Variants in SDHAF1 observed in about 807,000 individuals in gnomAD.
SDHAF1 encodes succinate dehydrogenase complex assembly factor 1.
For synonymous variants in SDHAF1, 81 were observed against 85.8 expected (o/e 0.94, Z 0.31); for missense variants, 198 against 179.0 (o/e 1.11, Z -0.61).
In SDHAF1 at chr19:35,995,817, C is replaced by A. The variant is rs1048156103; in HGVS notation, c.*195C>A. The A allele has an allele frequency of 8.5e-6, 5 of 588,210 alleles. No homozygotes were observed. The highest frequency in any genetic ancestry group is 1.5e-5 in the Non-Finnish European group (5 of 327,740). 36.4% of individuals were successfully genotyped at this position (588,210 alleles called of 1,614,324 possible). A position where few individuals can be genotyped will look rare whatever the true frequency, so the allele number is the denominator to read the frequency against. On this transcript the variant is annotated 3_prime_UTR_variant, in exon 1 of 1. Coordinates refer to ENST00000378887, the MANE Select transcript of SDHAF1 (RefSeq NM_001042631.3). ...GTGATGGACGGCAAGGGAGGCCCGCCTTTTCCGATGCTTGGAGACAGGTCG... is the reference window on the plus strand; with the variant it reads ...GTGATGGACGGCAAGGGAGGCCCGCATTTTCCGATGCTTGGAGACAGGTCG...
Position 35,995,791 on chromosome 19 carries a change from CG to C in SDHAF1, c.*170del. 1.6e-6 allele frequency: 1 copy of C among 607,638 alleles called. No homozygotes were observed. The highest frequency in any genetic ancestry group is 2.1e-5 in the South Asian group (1 of 48,288). 37.6% of individuals were successfully genotyped at this position (607,638 alleles called of 1,614,324 possible). A position where few individuals can be genotyped will look rare whatever the true frequency, so the allele number is the denominator to read the frequency against. On this transcript the variant is annotated 3_prime_UTR_variant, in exon 1 of 1. Coordinates refer to ENST00000378887, the MANE Select transcript of SDHAF1 (RefSeq NM_001042631.3). ...GCGACGCAGGGGGCCTAGAGAGCCC[CG>C]TGATGGACGGCAAGGGAGGCCCGCC...
Position 35,995,893 on chromosome 19 carries a change from G to T in SDHAF1, c.*271G>T. 7 of 527,116 alleles carry T rather than the reference G, an allele frequency of 1.3e-5. No homozygotes were observed. Among genetic ancestry groups the T allele is most frequent in the Non-Finnish European group, 2.4e-5 (7 of 290,340 alleles). 32.7% of individuals were successfully genotyped at this position (527,116 alleles called of 1,614,324 possible). A position where few individuals can be genotyped will look rare whatever the true frequency, so the allele number is the denominator to read the frequency against. On this transcript the variant is annotated 3_prime_UTR_variant, in exon 1 of 1. Coordinates refer to ENST00000378887, the MANE Select transcript of SDHAF1 (RefSeq NM_001042631.3). ...GGCGGCCTGGGACGCTGGCGGGCTG[G>T]ACAGTGTCAAGCCAAGAGCTACTTG...
In SDHAF1 at chr19:35,995,278, A is replaced by C. The variant is rs863224198; in HGVS notation, c.4A>C (p.Ser2Arg). The C allele has an allele frequency of 1.2e-5, 18 of 1,536,294 alleles. No homozygotes were observed. Among genetic ancestry groups the C allele is most frequent in the East Asian group, 9.7e-5 (4 of 41,292 alleles). ...GCGTCTCTGCTTAGCCGCGGTCATG[A>C]GCCGGCACAGCCGGCTGCAGAGGCA... Reference protein sequence around the residue: MSRHSRLQRQVL... With the variant: MRRHSRLQRQVL... Residue 2 changes from serine to arginine, a missense_variant, in exon 1 of 1, where the codon AGC becomes CGC. Physicochemically the swap from Ser to Arg is moderately radical, Grantham distance 110. Transcript: ENST00000378887.
rs1052788877 is a variant in SDHAF1 at position 35,995,204 on chromosome 19, G to A, written c.-71G>A. On this transcript the variant is annotated 5_prime_UTR_variant, in exon 1 of 1. Coordinates refer to ENST00000378887, the MANE Select transcript of SDHAF1 (RefSeq NM_001042631.3). ...GAAGTGGCTGTGGCTTTGCCCTTTG[G>A]CCTTTGCTGGCTGTGTGGCGGCTCC... is the stretch of plus-strand genomic sequence containing the variant. 68 of 1,142,424 alleles carry A rather than the reference G, an allele frequency of 6.0e-5. No homozygotes were observed. Among genetic ancestry groups the A allele is most frequent in the Admixed American group, 1.0e-4 (5 of 47,948 alleles). 70.8% of individuals were successfully genotyped at this position (1,142,424 alleles called of 1,614,324 possible). A position where few individuals can be genotyped will look rare whatever the true frequency, so the allele number is the denominator to read the frequency against.
chr19:35,995,234 T>C lies in SDHAF1; in HGVS notation c.-41T>C. 7.1e-7 allele frequency: 1 copy of C among 1,414,328 alleles called. No homozygotes were observed. Among genetic ancestry groups the C allele is most frequent in the Non-Finnish European group, 9.6e-7 (1 of 1,043,554 alleles). The allele number at this position is 1,414,328 out of a possible 1,614,324, so 87.6% of individuals were successfully genotyped here. Reference sequence around the variant, plus strand: ...TGCTGGCTGTGTGGCGGCTCCGCGGTTCGCAGGTCGTTCGCTGAGCGTCTC... The same window carrying C: ...TGCTGGCTGTGTGGCGGCTCCGCGGCTCGCAGGTCGTTCGCTGAGCGTCTC... On this transcript the variant is annotated 5_prime_UTR_variant, in exon 1 of 1. Transcript: ENST00000378887.
Position 35,995,461 on chromosome 19 carries a change from C to T in SDHAF1, c.187C>T (p.Leu63=). 1 of 1,562,878 alleles carries T rather than the reference C, an allele frequency of 6.4e-7. No individual in the cohort carries two copies. The highest frequency in any genetic ancestry group is 8.6e-7 in the Non-Finnish European group (1 of 1,162,000). ...CCGCCGCGGGCGGCGCCAGCTGCAG[C>T]TGCTACGCTCGGGCCACGCCACCGC... ...LYRRGRRQLQ[L]LRSGHATAMG... The change falls in exon 1 of 1, where the codon CTG becomes TTG. Residue 63 remains leucine (L), a synonymous_variant. Transcript: ENST00000378887.
In SDHAF1 at chr19:35,995,394, G is replaced by T. The variant is rs1215760688; in HGVS notation, c.120G>T (p.Ala40=). The T allele has an allele frequency of 1.9e-6, 3 of 1,561,544 alleles. No homozygotes were observed. Among genetic ancestry groups the T allele is most frequent in the Middle Eastern group, 3.9e-4 (2 of 5,156 alleles). ...ARVRAEFRQH[A]GLPRSDVLRI... is the part of the protein sequence containing the mutation. Reference sequence around the variant, plus strand: ...TGCGGGCAGAGTTCCGGCAGCATGCGGGCCTGCCGCGGTCCGACGTGCTGC... The same window carrying T: ...TGCGGGCAGAGTTCCGGCAGCATGCTGGCCTGCCGCGGTCCGACGTGCTGC... Residue 40 remains alanine, a synonymous_variant, in exon 1 of 1, where the codon GCG becomes GCT. Transcript: ENST00000378887.
chr19:35,995,700 C>T lies in SDHAF1; in HGVS notation c.*78C>T. 2.6e-6 allele frequency: 3 copies of T among 1,147,762 alleles called. No individual in the cohort carries two copies. The highest frequency in any genetic ancestry group is 1.3e-5 in the South Asian group (1 of 75,808). The allele number at this position is 1,147,762 out of a possible 1,614,324, so 71.1% of individuals were successfully genotyped here. ...TGACTGCATGGGGGGACTGGGGAAC[C>T]CGCCTAAGGTGAGAGGTCTTAAGAG... On this transcript the variant is annotated 3_prime_UTR_variant, in exon 1 of 1. Coordinates refer to ENST00000378887, the MANE Select transcript of SDHAF1 (RefSeq NM_001042631.3).
Position 35,995,221 on chromosome 19 carries a change from G to C in SDHAF1, c.-54G>C. On this transcript the variant is annotated 5_prime_UTR_variant, in exon 1 of 1. Transcript: ENST00000378887. Reference sequence around the variant, plus strand: ...GCCCTTTGGCCTTTGCTGGCTGTGTGGCGGCTCCGCGGTTCGCAGGTCGTT... The same window carrying C: ...GCCCTTTGGCCTTTGCTGGCTGTGTCGCGGCTCCGCGGTTCGCAGGTCGTT... 7.6e-7 allele frequency: 1 copy of C among 1,321,390 alleles called. No homozygotes were observed. Among genetic ancestry groups the C allele is most frequent in the South Asian group, 1.3e-5 (1 of 77,630 alleles). The allele number at this position is 1,321,390 out of a possible 1,614,324, so 81.9% of individuals were successfully genotyped here. A position where few individuals can be genotyped will look rare whatever the true frequency, so the allele number is the denominator to read the frequency against.
rs956984428 is a variant in SDHAF1, at chr19:35,995,593, G to A, written c.319G>A (p.Ala107Thr). ...AAGGAACCCCCACGACAGCACGGGG[G>A]CACCGGAGACCCGCCCCGACGGACG... ...SPRNPHDSTG[A>T]PETRPDGR Residue 107 changes from alanine to threonine, a missense_variant, in exon 1 of 1, where the codon GCA (alanine) becomes ACA (threonine). Physicochemically the swap from Ala to Thr is moderately conservative, Grantham distance 58. Coordinates refer to ENST00000378887, the MANE Select transcript of SDHAF1 (RefSeq NM_001042631.3). 1.5e-5 allele frequency: 23 copies of A among 1,547,208 alleles called. No homozygotes were observed. The highest frequency in any genetic ancestry group is 1.9e-5 in the Non-Finnish European group (22 of 1,147,106).
chr19:35,995,714 A>G lies in SDHAF1; in HGVS notation c.*92A>G. 1 of 959,220 alleles carries G rather than the reference A, an allele frequency of 1.0e-6. No individual in the cohort carries two copies. Among genetic ancestry groups the G allele is most frequent in the Non-Finnish European group, 1.6e-6 (1 of 619,650 alleles). The allele number at this position is 959,220 out of a possible 1,614,324, so 59.4% of individuals were successfully genotyped here. ...GACTGGGGAACCCGCCTAAGGTGAGAGGTCTTAAGAGACTAGCTTGACGAA... is the reference window on the plus strand; with the variant it reads ...GACTGGGGAACCCGCCTAAGGTGAGGGGTCTTAAGAGACTAGCTTGACGAA... On this transcript the variant is annotated 3_prime_UTR_variant, in exon 1 of 1. Transcript: ENST00000378887.
At position 35,995,290 on chromosome 19, in the gene SDHAF1, C is replaced by A. The variant is rs1379346692; in HGVS notation, c.16C>A (p.Arg6=). The A allele has an allele frequency of 1.3e-6, 2 of 1,541,808 alleles. No individual in the cohort carries two copies. Among genetic ancestry groups the A allele is most frequent in the South Asian group, 1.2e-5 (1 of 84,432 alleles). Residue 6 remains arginine, a synonymous_variant, in exon 1 of 1, where the codon CGG becomes AGG. Coordinates refer to ENST00000378887, the MANE Select transcript of SDHAF1 (RefSeq NM_001042631.3). MSRHS[R]LQRQVLSLYR... is the part of the protein sequence containing the mutation. ...AGCCGCGGTCATGAGCCGGCACAGCCGGCTGCAGAGGCAGGTTCTGAGCCT... is the reference window on the plus strand; with the variant it reads ...AGCCGCGGTCATGAGCCGGCACAGCAGGCTGCAGAGGCAGGTTCTGAGCCT...
rs1976660656 is a variant in SDHAF1, at chr19:35,995,740, T to C, written c.*118T>C. 6.3e-6 allele frequency: 5 copies of C among 792,098 alleles called. No homozygotes were observed. The highest frequency in any genetic ancestry group is 1.6e-5 in the South Asian group (1 of 62,012). The allele number at this position is 792,098 out of a possible 1,614,324, so 49.1% of individuals were successfully genotyped here. Reference sequence around the variant, plus strand: ...GGTCTTAAGAGACTAGCTTGACGAATTGGGGATGTCAGAGACTCCTCCTTG... The same window carrying C: ...GGTCTTAAGAGACTAGCTTGACGAACTGGGGATGTCAGAGACTCCTCCTTG... On this transcript the variant is annotated 3_prime_UTR_variant, in exon 1 of 1. Transcript: ENST00000378887.
chr19:35,995,881 G>T lies in SDHAF1; in HGVS notation c.*259G>T, dbSNP rs1257367479. Reference sequence around the variant, plus strand: ...ATGAGGGCTTGGGGCGGCCTGGGACGCTGGCGGGCTGGACAGTGTCAAGCC... The same window carrying T: ...ATGAGGGCTTGGGGCGGCCTGGGACTCTGGCGGGCTGGACAGTGTCAAGCC... On this transcript the variant is annotated 3_prime_UTR_variant, in exon 1 of 1. Coordinates refer to ENST00000378887, the MANE Select transcript of SDHAF1 (RefSeq NM_001042631.3). 1.9e-5 allele frequency: 10 copies of T among 538,274 alleles called. No homozygotes were observed. In the African/African-American group the frequency reaches 2.0e-4, roughly 11 times the overall value. 33.3% of individuals were successfully genotyped at this position (538,274 alleles called of 1,614,324 possible).
rs918409390 is a variant in SDHAF1 at position 35,995,959 on chromosome 19, G to A, written c.*337G>A. ...AGCCAGGACGACCCCCGGTGGACAG[G>A]GAGAGCCTGAGACGCCCTTCTCTTG... On this transcript the variant is annotated 3_prime_UTR_variant, in exon 1 of 1. Transcript: ENST00000378887. 5.3e-6 allele frequency: 2 copies of A among 379,508 alleles called. No individual in the cohort carries two copies. The highest frequency in any genetic ancestry group is 2.2e-5 in the African/African-American group (1 of 46,086). 23.5% of individuals were successfully genotyped at this position (379,508 alleles called of 1,614,324 possible).
In SDHAF1 at chr19:35,995,452, C is replaced by A; in HGVS notation, c.178C>A (p.Gln60Lys). 1 of 1,564,718 alleles carries A rather than the reference C, an allele frequency of 6.4e-7. No homozygotes were observed. The highest frequency in any genetic ancestry group is 2.3e-5 in the East Asian group (1 of 42,668). The change falls in exon 1 of 1, where the codon CAG becomes AAG. Residue 60 changes from glutamine (Q) to lysine (K), a missense_variant. Coordinates refer to ENST00000378887, the MANE Select transcript of SDHAF1 (RefSeq NM_001042631.3). ...IEYLYRRGRR[Q>K]LQLLRSGHAT... ...GTACCTGTACCGCCGCGGGCGGCGC[C>A]AGCTGCAGCTGCTACGCTCGGGCCA...
In SDHAF1 at chr19:35,995,396, G is replaced by A. The variant is rs747852197; in HGVS notation, c.122G>A (p.Gly41Asp). ...CGGGCAGAGTTCCGGCAGCATGCGG[G>A]CCTGCCGCGGTCCGACGTGCTGCGC... Reference protein sequence around the residue: ...RVRAEFRQHAGLPRSDVLRIE... With the variant: ...RVRAEFRQHADLPRSDVLRIE... Residue 41 changes from glycine to aspartate, a missense_variant, in exon 1 of 1, where the codon GGC (glycine) becomes GAC (aspartate). By Grantham distance (94) the Gly-to-Asp change is moderately conservative. Transcript: ENST00000378887. 1.5e-5 allele frequency: 23 copies of A among 1,561,836 alleles called. No homozygotes were observed. Among genetic ancestry groups the A allele is most frequent in the East Asian group, 9.4e-5 (4 of 42,632 alleles).
In SDHAF1 at chr19:35,996,082, G is replaced by A. The variant is rs1458731322; in HGVS notation, c.*460G>A. ...AGACTTTTTGCTGAGAACGTTTTGG[G>A]AAGGTGCCCTGATGAGCGGTGAGAA... On this transcript the variant is annotated 3_prime_UTR_variant, in exon 1 of 1. Coordinates refer to ENST00000378887, the MANE Select transcript of SDHAF1 (RefSeq NM_001042631.3). 2 of 175,896 alleles carry A rather than the reference G, an allele frequency of 1.1e-5. No homozygotes were observed. 10.9% of individuals were successfully genotyped at this position (175,896 alleles called of 1,614,324 possible). A position where few individuals can be genotyped will look rare whatever the true frequency, so the allele number is the denominator to read the frequency against.
At position 35,995,969 on chromosome 19, in the gene SDHAF1, A is replaced by G. The variant is rs1308025616; in HGVS notation, c.*347A>G. On this transcript the variant is annotated 3_prime_UTR_variant, in exon 1 of 1. Coordinates refer to ENST00000378887, the MANE Select transcript of SDHAF1 (RefSeq NM_001042631.3). ...ACCCCCGGTGGACAGGGAGAGCCTG[A>G]GACGCCCTTCTCTTGACCCCTGAGA... 2.8e-6 allele frequency: 1 copy of G among 359,200 alleles called. No individual in the cohort carries two copies. The highest frequency in any genetic ancestry group is 6.6e-5 in the East Asian group (1 of 15,060). 22.3% of individuals were successfully genotyped at this position (359,200 alleles called of 1,614,324 possible).
Sources: gnomAD v4.1 joint callset for allele counts on GRCh38, gnomAD v4.1.1 for gene constraint, MANE v1.5 for transcripts, NCBI Gene and HGNC (gene_info 2026-07-23, HGNC 2026-07-21) for gene names.